EXOC6B: variants seen among roughly 807,000 people sequenced by gnomAD.
The protein encoded by EXOC6B is SEC15 homolog B.
EXOC6B carries 54 observed loss-of-function variants against 113.5 expected under a neutral mutation model. That is an observed-to-expected ratio of 0.48 (90% CI 0.38 to 0.60). EXOC6B has a LOEUF of 0.60. EXOC6B is among the 20% of genes least tolerant of loss of function. EXOC6B has a pLI of 0.00. For synonymous variants in EXOC6B, 357 were observed against 339.0 expected (o/e 1.05, Z -0.58); for missense variants, 797 against 977.5 (o/e 0.82, Z 2.46).
chr2:72,557,341 G>A (rs1703615825), intron 8 of EXOC6B, among the ~76,000 whole-genome samples: 1 of 124,628 alleles, frequency 8.0e-6, no homozygotes, highest in Non-Finnish European at 1.6e-5. Context: ...CACAGTCTAA[G>A]ATGTATATGA....
intron 6 of EXOC6B, among the ~76,000 whole-genome samples, chr2:72,580,821 C>T (rs924329871): frequency 6.6e-6 from 1 of 152,198 alleles, no homozygotes; most frequent in Non-Finnish European, 1.5e-5. Flanking sequence ...AGTAAAACAA[C>T]CCTTGAAAAG....
chr2:72,670,654 A>G (rs1052423167), intron 6 of EXOC6B, among the ~76,000 whole-genome samples: 5 of 152,316 alleles, frequency 3.3e-5, no homozygotes, highest in South Asian at 2.1e-4. Context: ...TATTTGCCCA[A>G]CAATCTTTCT....
intron 8 of EXOC6B, among the ~76,000 whole-genome samples, chr2:72,526,142 T>G (rs937331191): frequency 1.3e-5 from 2 of 152,082 alleles, no homozygotes; most frequent in Admixed American, 6.5e-5. Context: ...TTAATCTGTT[T>G]CACGTTGCCA....
At chr2:72,610,379 TC>T (rs974694272) in intron 6 of EXOC6B, among the ~76,000 whole-genome samples, 31 of 152,286 alleles carry the variant, frequency 2.0e-4, no homozygotes, top group African/African-American at 7.2e-4. Flanking sequence ...AACCAAGTAC[TC>T]CCAGCAACCA....
chr2:72,818,973 A>G (rs1686433413), intron 1 of EXOC6B, among the ~76,000 whole-genome samples: 1 of 152,174 alleles, frequency 6.6e-6, no homozygotes, highest in Non-Finnish European at 1.5e-5. Flanking sequence ...TACATTATAT[A>G]TTTATTCATT....
At chr2:72,216,420 G>A (rs1559025610) in intron 20 of EXOC6B, among the ~76,000 whole-genome samples, 1 of 152,232 alleles carries the variant, frequency 6.6e-6, no homozygotes, top group East Asian at 1.9e-4. Context: ...TGGAGAGGAT[G>A]TGGAGAAATA....
chr2:72,477,722 T>C (rs1364873703), intron 17 of EXOC6B, among the ~76,000 whole-genome samples: 1 of 152,206 alleles, frequency 6.6e-6, no homozygotes, highest in East Asian at 1.9e-4. Flanking sequence ...TTATCGTCCA[T>C]ACCATTAGTG....
At chr2:72,692,047 GT>G in intron 6 of EXOC6B, among the ~76,000 whole-genome samples, 1 of 151,960 alleles carries the variant, frequency 6.6e-6, no homozygotes. Context: ...ATAGTAACTT[GT>G]TTTTAACATA....
At chr2:72,490,552 T>C (rs1043715138) in intron 16 of EXOC6B, among the ~76,000 whole-genome samples, 1 of 152,188 alleles carries the variant, frequency 6.6e-6, no homozygotes, top group Non-Finnish European at 1.5e-5. Flanking sequence ...AATCACTTTA[T>C]GTGTATGTGT....
intron 6 of EXOC6B, among the ~76,000 whole-genome samples, chr2:72,656,363 T>C (rs1245800431): frequency 6.6e-6 from 1 of 151,872 alleles, no homozygotes; most frequent in Non-Finnish European, 1.5e-5. Context: ...AAAAACTATA[T>C]TGTAAGAAAA....
chr2:72,309,777 A>G (rs1687081667), intron 20 of EXOC6B, among the ~76,000 whole-genome samples: 1 of 152,130 alleles, frequency 6.6e-6, no homozygotes. Flanking sequence ...CATCAGCCTA[A>G]AAGGAAATCC....
chr2:72,369,677 G>A (rs1690879125), intron 19 of EXOC6B, among the ~76,000 whole-genome samples: 1 of 152,170 alleles, frequency 6.6e-6, no homozygotes, highest in Middle Eastern at 3.4e-3. Context: ...TAGACCAATG[G>A]AACAGAACAG....
intron 16 of EXOC6B, among the ~76,000 whole-genome samples, chr2:72,489,292 T>C (rs959834372): frequency 6.6e-6 from 1 of 152,208 alleles, no homozygotes; most frequent in Non-Finnish European, 1.5e-5. Flanking sequence ...ATCTCTATTG[T>C]TGTTGTTATT....
chr2:72,593,769 A>G lies in EXOC6B; in HGVS notation c.670-18101T>C, dbSNP rs999649873. Among the ~76,000 whole-genome samples the G allele has an allele frequency of 2.6e-5, 4 of 152,174 alleles. No individual in the cohort carries two copies. The East Asian group carries it at 5.8e-4, about 22-fold the overall frequency. Reference sequence around the variant, plus strand: ...CCAACATTCAATGGATAAAAATAGAATATTACAAACAACTTTATGCCTATA... The same window carrying G: ...CCAACATTCAATGGATAAAAATAGAGTATTACAAACAACTTTATGCCTATA... On this transcript the variant is annotated intron_variant, in intron 6 of 21. Transcript: ENST00000272427.
At chr2:72,733,342 G>A (rs1680760068) in intron 2 of EXOC6B, among the ~76,000 whole-genome samples, 1 of 152,080 alleles carries the variant, frequency 6.6e-6, no homozygotes. Context: ...CAAATATGGT[G>A]AGTTTAGAAC....
At chr2:72,472,413 T>C (rs2105451772) in intron 17 of EXOC6B, among the ~76,000 whole-genome samples, 1 of 152,268 alleles carries the variant, frequency 6.6e-6, no homozygotes, top group Middle Eastern at 3.4e-3. Flanking sequence ...GGTTTTCCAT[T>C]TCTTCCTGAT....
rs146533381 is a variant in EXOC6B at position 72,439,326 on chromosome 2, G to A, written c.1980+25834C>T. ...GCTCATGGAAGATACCCTGAAATAC[G>A]TTTTCCATATTGGTTCCATTCTCCT... On this transcript the variant is annotated intron_variant, in intron 18 of 21. Transcript: ENST00000272427. 4.4e-3 allele frequency among the ~76,000 whole-genome samples: 664 copies of A among 152,230 alleles called. 4 individuals carry two copies. The highest frequency in any genetic ancestry group is 0.015 in the African/African-American group (612 of 41,526).
chr2:72,302,506 G>T (rs1686592655), intron 20 of EXOC6B, among the ~76,000 whole-genome samples: 1 of 152,240 alleles, frequency 6.6e-6, no homozygotes, highest in Admixed American at 6.5e-5. Context: ...GAATCTAGGT[G>T]CTCCTGTGTT....
intron 1 of EXOC6B, among the ~76,000 whole-genome samples, chr2:72,814,748 T>C (rs1230068668): frequency 1.3e-5 from 2 of 152,266 alleles, no homozygotes; most frequent in East Asian, 3.9e-4. Flanking sequence ...TCCCAGCACT[T>C]TGGGAGGCCA....
Sources: allele counts gnomAD v4.1 joint callset (sites outside exome capture counted in the v4.1 genomes callset), GRCh38; gene constraint gnomAD v4.1.1; transcripts MANE v1.5; gene names NCBI Gene and HGNC (gene_info 2026-07-23, HGNC 2026-07-21).